Variants in PSD3 observed in about 807,000 individuals in gnomAD.
PSD3 encodes pleckstrin and Sec7 domain containing 3, also known as PH and SEC7 domain-containing protein 3.
PSD3 carries 49 observed loss-of-function variants against 105.5 expected under a neutral mutation model. The observed-to-expected ratio is 0.46, with a 90% CI of 0.37 to 0.59. PSD3 has a LOEUF of 0.59. Among genes scored for constraint, PSD3 ranks in the 20% least tolerant of loss-of-function variants. The pLI is 0.00. For synonymous variants in PSD3, 557 were observed against 457.8 expected, an observed-to-expected ratio of 1.22 and a Z score of -2.77; for missense variants, 1,561 against 1,263.8, an observed-to-expected ratio of 1.24 and a Z score of -3.57.
chr8:18,694,089 A>G (rs1330783822), intron 9 of PSD3, among the ~76,000 whole-genome samples: 1 of 152,228 alleles, frequency 6.6e-6, no homozygotes, highest in Non-Finnish European at 1.5e-5. Flanking sequence ...ACCTCAAGCC[A>G]GTGTTTTGTT....
At chr8:18,920,632 A>T (rs1820947535) in intron 2 of PSD3, among the ~76,000 whole-genome samples, 3 of 152,230 alleles carry the variant, frequency 2.0e-5, no homozygotes. Flanking sequence ...AAAACCTTTT[A>T]TTGACATATC....
At chr8:18,978,094 TAG>T (rs1825042134) in intron 1 of PSD3, among the ~76,000 whole-genome samples, 2 of 152,160 alleles carry the variant, frequency 1.3e-5, no homozygotes, top group African/African-American at 4.8e-5. Context: ...CACCTGACTT[TAG>T]GGAGGAATTT....
chr8:18,729,929 A>G (rs1461251651), intron 9 of PSD3, among the ~76,000 whole-genome samples: 1 of 152,208 alleles, frequency 6.6e-6, no homozygotes, highest in East Asian at 1.9e-4. Flanking sequence ...CTTATTTATC[A>G]CATTCATTTA....
In PSD3 at chr8:18,731,259, A is replaced by C. The variant is rs1471129664; in HGVS notation, c.2172+34190T>G. On this transcript the variant is annotated intron_variant, in intron 9 of 15. Transcript: ENST00000327040. ...TGACAAGAGTGAAACTCTGTCTCAA[A>C]AACAAAAAACAAAAAACCTTCTTCA... Among the ~76,000 whole-genome samples the C allele has an allele frequency of 3.3e-5, 5 of 152,212 alleles. No individual in the cohort carries two copies. In the East Asian group the frequency reaches 9.6e-4, roughly 29 times the overall value.
intron 4 of PSD3, among the ~76,000 whole-genome samples, chr8:18,860,616 G>A (rs1256076760): frequency 6.6e-6 from 1 of 152,140 alleles, no homozygotes; most frequent in Non-Finnish European, 1.5e-5. Flanking sequence ...AGGCAAATTT[G>A]TATTCCTGTG....
chr8:18,572,582 A>G lies in PSD3; in HGVS notation c.2730T>C (p.Ser910=), dbSNP rs1802210069. 6.2e-7 allele frequency: 1 copy of G among 1,614,004 alleles called. No individual in the cohort carries two copies. Among genetic ancestry groups the G allele is most frequent in the South Asian group, 1.1e-5 (1 of 91,084 alleles). Residue 910 remains serine (S), a synonymous_variant, in exon 14 of 16, where the codon TCT becomes TCC. Coordinates refer to ENST00000327040, the MANE Select transcript of PSD3 (RefSeq NM_015310.4). ...SAPPFPAAIG[S]QKKFSRPLLP... is the part of the protein sequence containing the mutation. Reference sequence around the variant, plus strand: ...GAAGTGGGCGGCTAAACTTCTTCTGAGAGCCGATTGCTGCTGGAAATGGTG... The same window carrying G: ...GAAGTGGGCGGCTAAACTTCTTCTGGGAGCCGATTGCTGCTGGAAATGGTG...
intron 2 of PSD3, among the ~76,000 whole-genome samples, chr8:18,875,671 G>T (rs1817688210): frequency 6.6e-6 from 1 of 152,050 alleles, no homozygotes; most frequent in Non-Finnish European, 1.5e-5. Context: ...CGAGGAGCTG[G>T]GATACAGGTG....
At chr8:18,934,470 G>A (rs1474248226) in intron 2 of PSD3, among the ~76,000 whole-genome samples, 6 of 152,110 alleles carry the variant, frequency 3.9e-5, no homozygotes, top group African/African-American at 1.2e-4. Context: ...GAGTGCAGTG[G>A]CGTGATCTCG....
At chr8:18,877,655 C>G (rs929554455) in intron 2 of PSD3, among the ~76,000 whole-genome samples, 7 of 151,934 alleles carry the variant, frequency 4.6e-5, no homozygotes, top group Non-Finnish European at 8.8e-5. Context: ...GATCCTCCCA[C>G]CTCAGACTTC....
rs111265897 is a variant in PSD3 at position 18,782,607 on chromosome 8, T to C, written c.2082+16688A>G. Among the ~76,000 whole-genome samples, 836 of 152,252 alleles carry C rather than the reference T, an allele frequency of 5.5e-3. 6 individuals are homozygous for C. The highest frequency in any genetic ancestry group is 0.019 in the African/African-American group (790 of 41,530). On this transcript the variant is annotated intron_variant, in intron 8 of 15. Coordinates refer to ENST00000327040, the MANE Select transcript of PSD3 (RefSeq NM_015310.4). ...GGATCTCGGTCAACACACGTGGATA[T>C]TGGTAAAAGCAGGTCAGGAGGACGA...
chr8:18,749,691 C>T (rs28666704), intron 9 of PSD3, among the ~76,000 whole-genome samples: 16,065 of 151,968 alleles, frequency 0.11, 1,257 homozygotes, highest in East Asian at 0.2. Context: ...CAGACAAAGA[C>T]GAGGCAAAAA....
chr8:18,673,773 T>A (rs1799919827), intron 9 of PSD3, among the ~76,000 whole-genome samples: 1 of 152,150 alleles, frequency 6.6e-6, no homozygotes, highest in Non-Finnish European at 1.5e-5. Context: ...GATCTCCCCG[T>A]GGGCCTCGAC....
At chr8:18,821,840 C>T (rs951138406) in intron 4 of PSD3, among the ~76,000 whole-genome samples, 1 of 106,560 alleles carries the variant, frequency 9.4e-6, no homozygotes, top group Non-Finnish European at 1.8e-5. Context: ...GAAGGGAATA[C>T]CCACACACAC....
rs888444595 is a variant in PSD3, at chr8:18,537,766, G to A, written c.2929-1808C>T. Among the ~76,000 whole-genome samples, 7 of 151,734 alleles carry A rather than the reference G, an allele frequency of 4.6e-5. 1 individual carries two copies. The highest frequency in any genetic ancestry group is 2.9e-5 in the Non-Finnish European group (2 of 67,942). ...ATCTCAGCTCACCGCAACCTCCACC[G>A]CCTGGGTTCTAGCAATTCTCCTGCC... On this transcript the variant is annotated intron_variant, in intron 15 of 15. Transcript: ENST00000327040.
At chr8:19,021,558 C>CA (rs11431700) in intron 1 of PSD3, among the ~76,000 whole-genome samples, 13,223 of 130,822 alleles carry the variant, frequency 0.1, 1,104 homozygotes, top group African/African-American at 0.27. Flanking sequence ...TTTTTTGTTA[C>CA]AAAAAAAAAA....
rs145052376 is a variant in PSD3, at chr8:19,079,702, T to C, written c.324+4504A>G. Among the ~76,000 whole-genome samples the C allele has an allele frequency of 6.8e-3, 1,041 of 152,180 alleles. 8 individuals are homozygous for C. Among genetic ancestry groups the C allele is most frequent in the African/African-American group, 0.022 (911 of 41,506 alleles). ...ACGGCTTGCAATACCGGTCCAAAATTCTGTGGTGGGAATTTGTATTACTGT... is the reference window on the plus strand; with the variant it reads ...ACGGCTTGCAATACCGGTCCAAAATCCTGTGGTGGGAATTTGTATTACTGT... On this transcript the variant is annotated intron_variant, in intron 1 of 1. Coordinates refer to the PSD3 transcript ENST00000521475.
At chr8:18,737,346 T>C (rs534916966) in intron 9 of PSD3, among the ~76,000 whole-genome samples, 281 of 152,302 alleles carry the variant, frequency 1.8e-3, no homozygotes, top group African/African-American at 6.5e-3. Flanking sequence ...TGTGTGCGTG[T>C]GACGGGGTCT....
At chr8:18,544,319 G>T (rs1300936222) in intron 15 of PSD3, among the ~76,000 whole-genome samples, 1 of 152,008 alleles carries the variant, frequency 6.6e-6, no homozygotes, top group East Asian at 1.9e-4. Flanking sequence ...TGACCAGGTG[G>T]CCCACCCACC....
At chr8:18,679,812 C>T (rs967437881) in intron 9 of PSD3, among the ~76,000 whole-genome samples, 19 of 152,138 alleles carry the variant, frequency 1.2e-4, no homozygotes, top group African/African-American at 4.6e-4. Context: ...CTTGAAATTT[C>T]GGTGTCACAG....
Sources: gnomAD v4.1 joint callset for allele counts (sites outside exome capture counted in the v4.1 genomes callset) on GRCh38, gnomAD v4.1.1 for gene constraint, MANE v1.5 for transcripts, NCBI Gene and HGNC (gene_info 2026-07-23, HGNC 2026-07-21) for gene names.